Variants in ARAP2 observed in about 807,000 individuals in gnomAD.
ARAP2 encodes ArfGAP with RhoGAP domain, ankyrin repeat and PH domain 2, also known as arf-GAP with Rho-GAP domain, ANK repeat and PH domain-containing protein 2.
Under a neutral mutation model 194.5 loss-of-function variants are expected in ARAP2, and 148 were observed. That is an observed-to-expected ratio of 0.76 (90% CI 0.67 to 0.87). ARAP2 has a LOEUF of 0.87. ARAP2 is among the 40% of genes least tolerant of loss of function. The probability of loss-of-function intolerance (pLI) is 0.00; values close to 1 mark genes in which losing one functional copy is unlikely to be tolerated. For missense variants in ARAP2, 2,128 were observed against 1,989.7 expected, an observed-to-expected ratio of 1.07 and a Z score of -1.32; for synonymous variants, 695 against 683.5, an observed-to-expected ratio of 1.02 and a Z score of -0.26.
chr4:36,216,960 A>T (rs926768386), intron 2 of ARAP2, among the ~76,000 whole-genome samples: 1 of 152,204 alleles, frequency 6.6e-6, no homozygotes, highest in Non-Finnish European at 1.5e-5. Flanking sequence ...TGGTATAGCC[A>T]TTATATTCTT....
chr4:36,020,741 G>T (rs1426508553), intron 5 of ARAP2, among the ~76,000 whole-genome samples: 3 of 152,200 alleles, frequency 2.0e-5, no homozygotes, highest in Non-Finnish European at 4.4e-5. Context: ...TGCAGAGTGG[G>T]TGATGGAAAT....
intron 27 of ARAP2, among the ~76,000 whole-genome samples, chr4:36,104,225 T>C (rs1577896497): frequency 1.3e-5 from 2 of 151,948 alleles, no homozygotes; most frequent in Admixed American, 1.3e-4. Flanking sequence ...TCTGATGATT[T>C]CTACTTGGCC....
At chr4:36,204,730 C>T (rs781674204) in intron 6 of ARAP2, among the ~76,000 whole-genome samples, 1 of 152,010 alleles carries the variant, frequency 6.6e-6, no homozygotes, top group Non-Finnish European at 1.5e-5. Context: ...GTCGTTTATG[C>T]CTGTAATCCC....
intron 28 of ARAP2, among the ~76,000 whole-genome samples, chr4:36,086,144 T>C (rs1223076737): frequency 6.6e-6 from 1 of 152,086 alleles, no homozygotes; most frequent in Non-Finnish European, 1.5e-5. Flanking sequence ...TAATTTAGAT[T>C]GCTATTCCCT....
chr4:36,042,097 A>G (rs1668071014), intron 5 of ARAP2, among the ~76,000 whole-genome samples: 1 of 152,168 alleles, frequency 6.6e-6, no homozygotes, highest in African/African-American at 2.4e-5. Flanking sequence ...CTGGGTGATG[A>G]AATAATATGT....
Position 36,014,360 on chromosome 4 carries a change from AAG to A in ARAP2, n.1056+1024_1056+1025del, listed in dbSNP as rs1192730419. Among the ~76,000 whole-genome samples, 789 of 141,854 alleles carry A rather than the reference AAG, an allele frequency of 5.6e-3. 18 individuals carry two copies. Among genetic ancestry groups the A allele is most frequent in the African/African-American group, 0.023 (752 of 32,772 alleles). 93.1% of individuals were successfully genotyped at this position (141,854 alleles called of 152,430 possible). On this transcript the variant is annotated intron_variant and non_coding_transcript_variant, in intron 8 of 12. Transcript: ENST00000503225. ...AAAGAAAGAAAGAAAGAAAGAAAGA[AAG>A]AAAGAAAGAAAGAAAGAAAGAAAAT...
intron 5 of ARAP2, among the ~76,000 whole-genome samples, chr4:36,041,436 A>G (rs1324742710): frequency 1.3e-5 from 2 of 152,188 alleles, no homozygotes; most frequent in Non-Finnish European, 2.9e-5. Context: ...AAAAAGCTCA[A>G]TATCATTGAT....
At chr4:36,224,094 G>A (rs1749733016) in intron 2 of ARAP2, among the ~76,000 whole-genome samples, 1 of 151,036 alleles carries the variant, frequency 6.6e-6, no homozygotes, top group Admixed American at 6.6e-5. Flanking sequence ...CAGAAAAGCA[G>A]TGGCATAAAG....
intron 6 of ARAP2, among the ~76,000 whole-genome samples, chr4:36,209,181 G>C (rs1050787492): frequency 2.6e-5 from 4 of 152,042 alleles, no homozygotes; most frequent in Admixed American, 6.5e-5. Flanking sequence ...TAAATACTTG[G>C]ATTTTATAAA....
intron 22 of ARAP2, among the ~76,000 whole-genome samples, chr4:36,124,546 A>G (rs1175943848): frequency 6.6e-6 from 1 of 151,920 alleles, no homozygotes; most frequent in Non-Finnish European, 1.5e-5. Flanking sequence ...AATGTCCACC[A>G]TGAGAAAATA....
chr4:36,054,201 A>T (rs942866730), intron 2 of ARAP2, among the ~76,000 whole-genome samples: 1 of 152,230 alleles, frequency 6.6e-6, no homozygotes, highest in African/African-American at 2.4e-5. Flanking sequence ...ACATCAGAGC[A>T]GCAATTGCAT....
At chr4:36,096,677 G>A (rs1336213787) in intron 27 of ARAP2, among the ~76,000 whole-genome samples, 6 of 151,974 alleles carry the variant, frequency 3.9e-5, no homozygotes, top group East Asian at 3.9e-4. Flanking sequence ...TGATCACACC[G>A]TCATACTAAT....
chr4:36,024,772 G>A (rs1343250396), intron 5 of ARAP2, among the ~76,000 whole-genome samples: 1 of 151,882 alleles, frequency 6.6e-6, no homozygotes, highest in African/African-American at 2.4e-5. Context: ...CAATATGTAG[G>A]CTAATTTATC....
At chr4:36,233,654 C>T (rs367552938) in intron 1 of ARAP2, among the ~76,000 whole-genome samples, 1 of 152,338 alleles carries the variant, frequency 6.6e-6, no homozygotes. Flanking sequence ...TCTCTACTTC[C>T]TTTCCCATAA....
chr4:36,139,320 C>T (rs982900229), intron 19 of ARAP2, among the ~76,000 whole-genome samples: 8 of 151,246 alleles, frequency 5.3e-5, no homozygotes, highest in Non-Finnish European at 1.0e-4. Context: ...TGAAGTTGGT[C>T]GTAATATTTT....
intron 9 of ARAP2, among the ~76,000 whole-genome samples, chr4:36,008,646 T>A (rs1348035432): frequency 6.6e-6 from 1 of 152,038 alleles, no homozygotes; most frequent in Admixed American, 6.6e-5. Flanking sequence ...AGAAAATTTA[T>A]GGACAAATCC....
At chr4:36,173,864 A>C (rs1737211443) in intron 9 of ARAP2, among the ~76,000 whole-genome samples, 2 of 152,218 alleles carry the variant, frequency 1.3e-5, no homozygotes, top group African/African-American at 4.8e-5. Context: ...TAACACTTTT[A>C]AGGTTATAAT....
chr4:36,148,302 C>T, intron 17 of ARAP2, 103 bp downstream of exon 17: 1 of 788,456 alleles, frequency 1.3e-6, no homozygotes, highest in Non-Finnish European at 2.0e-6. Context: ...AACTTTATTC[C>T]TACAATCTTA....
At chr4:36,196,124 G>T (rs1743050246) in intron 6 of ARAP2, among the ~76,000 whole-genome samples, 1 of 152,180 alleles carries the variant, frequency 6.6e-6, no homozygotes, top group African/African-American at 2.4e-5. Context: ...TCAAAGTTTT[G>T]AAACCTGCCA....
Sources: gnomAD v4.1 joint callset for allele counts (sites outside exome capture counted in the v4.1 genomes callset) on GRCh38, gnomAD v4.1.1 for gene constraint, MANE v1.5 for transcripts, NCBI Gene and HGNC (gene_info 2026-07-23, HGNC 2026-07-21) for gene names.